Variants in RYR3 observed in about 807,000 individuals in gnomAD.
RYR3 encodes the protein brain ryanodine receptor-calcium release channel.
RYR3 carries 207 observed loss-of-function variants against 584.3 expected under a neutral mutation model. That is an observed-to-expected ratio of 0.35 (90% confidence interval 0.32 to 0.40). RYR3 has a LOEUF of 0.40. Ranked by LOEUF, RYR3 falls within the 10% of genes least tolerant of loss-of-function variation. The probability of loss-of-function intolerance (pLI) is 1.00; values close to 1 mark genes in which losing one functional copy is unlikely to be tolerated. For synonymous variants in RYR3, 2,416 were observed against 2,248.5 expected (o/e 1.07, Z -2.11); for missense variants, 5,616 against 6,089.2 (o/e 0.92, Z 2.59).
chr15:33,569,409 C>T (rs1458231553), intron 12 of RYR3, among the ~76,000 whole-genome samples: 1 of 152,154 alleles, frequency 6.6e-6, no homozygotes, highest in African/African-American at 2.4e-5. Flanking sequence ...TCCCTATTCT[C>T]CTGTCCCTCA....
intron 1 of RYR3, among the ~76,000 whole-genome samples, chr15:33,357,769 A>G (rs938891920): frequency 2.0e-5 from 3 of 152,168 alleles, no homozygotes; most frequent in African/African-American, 7.2e-5. Context: ...ATTGGACATT[A>G]TTGACTATTT....
chr15:33,812,970 A>G lies in RYR3; in HGVS notation c.10365A>G (p.Ser3455=). 2.5e-6 allele frequency: 4 copies of G among 1,614,016 alleles called. No homozygotes were observed. Among genetic ancestry groups the G allele is most frequent in the Non-Finnish European group, 2.5e-6 (3 of 1,179,876 alleles). ...EKTVERVQRI[S]AAVFHLEQVE... is the part of the protein sequence containing the mutation. ...CAGTGGAGCGTGTGCAGAGAATTTC[A>G]GCAGCTGTCTTCCACCTGGAACAGG... Residue 3455 remains serine, a synonymous_variant, in exon 73 of 104, where the codon TCA becomes TCG. Coordinates refer to ENST00000634891, the MANE Select transcript of RYR3 (RefSeq NM_001036.6).
chr15:33,762,242 G>C (rs1040851893), intron 60 of RYR3, among the ~76,000 whole-genome samples: 1 of 152,194 alleles, frequency 6.6e-6, no homozygotes, highest in African/African-American at 2.4e-5. Context: ...CATAGTATTG[G>C]AAGTTCTGGC....
chr15:33,732,158 G>A (rs2069010949), intron 48 of RYR3, among the ~76,000 whole-genome samples: 4 of 151,616 alleles, frequency 2.6e-5, no homozygotes, highest in African/African-American at 4.8e-5. Context: ...GAGGTGGGCA[G>A]ATCACGAGGT....
chr15:33,773,500 G>C, intron 63 of RYR3, 34 bp from the exon 64 acceptor site: 2 of 1,464,370 alleles, frequency 1.4e-6, no homozygotes, highest in Non-Finnish European at 1.9e-6. Flanking sequence ...ATTCAGGATT[G>C]ATGCAAATCA....
chr15:33,800,933 A>T, intron 68 of RYR3, 76 bp downstream of exon 68: 1 of 1,052,990 alleles, frequency 9.5e-7, no homozygotes, highest in Non-Finnish European at 1.5e-6. Flanking sequence ...GATGAAAAAA[A>T]GCCAACAGTA....
intron 43 of RYR3, 58 bp downstream of exon 43, chr15:33,707,112 T>A: frequency 6.3e-7 from 1 of 1,585,904 alleles, no homozygotes; most frequent in Non-Finnish European, 8.6e-7. Context: ...CGTGGATACC[T>A]ACAAGGAAAA....
intron 1 of RYR3, among the ~76,000 whole-genome samples, chr15:33,365,889 TA>T (rs1304149120): frequency 1.3e-5 from 2 of 152,180 alleles, no homozygotes; most frequent in Non-Finnish European, 2.9e-5. Context: ...AAGTGGTTTT[TA>T]AAAAAGTTAT....
intron 82 of RYR3, 29 bp from the exon 83 acceptor site, chr15:33,826,223 C>G (rs1567254928): frequency 6.2e-7 from 1 of 1,611,736 alleles, no homozygotes. Flanking sequence ...TTCTTACTTT[C>G]TATTCTTCTG....
At chr15:33,352,231 A>G (rs578120821) in intron 1 of RYR3, among the ~76,000 whole-genome samples, 23 of 152,160 alleles carry the variant, frequency 1.5e-4, no homozygotes, top group Non-Finnish European at 1.5e-5. Flanking sequence ...GGCCTTAGTT[A>G]CAGTTCCTTT....
chr15:33,527,655 C>A (rs1276885103), intron 3 of RYR3, among the ~76,000 whole-genome samples: 1 of 151,466 alleles, frequency 6.6e-6, no homozygotes, highest in South Asian at 2.1e-4. Context: ...TGCCCTTTTA[C>A]AGAAAAAAAA....
At chr15:33,736,212 A>C in intron 48 of RYR3, 23 bp from the exon 49 acceptor site, 1 of 1,460,182 alleles carries the variant, frequency 6.8e-7, no homozygotes, top group Non-Finnish European at 9.6e-7. Context: ...TTATTTATCT[A>C]CGTTTGTCAT....
chr15:33,692,619 C>CT (rs3085218), intron 38 of RYR3, among the ~76,000 whole-genome samples: 58,714 of 140,290 alleles, frequency 0.42, 14,046 homozygotes, highest in East Asian at 0.62. Context: ...CTGGGGACTA[C>CT]TTTTTTTTTT....
At chr15:33,571,681 T>C (rs1184115548) in intron 12 of RYR3, among the ~76,000 whole-genome samples, 5 of 152,208 alleles carry the variant, frequency 3.3e-5, no homozygotes, top group African/African-American at 1.2e-4. Flanking sequence ...TTTTAACTTA[T>C]TTGTGTCCTT....
chr15:33,563,090 A>G (rs1357689019), intron 11 of RYR3, 80 bp downstream of exon 11: 4 of 1,125,770 alleles, frequency 3.6e-6, no homozygotes, highest in Admixed American at 2.3e-5. Flanking sequence ...TCTGAGAACC[A>G]GGTGGACATG....
chr15:33,668,063 G>GGAAA lies in RYR3; in HGVS notation c.5620-1291_5620-1290insGAAA, dbSNP rs530580495. On this transcript the variant is annotated intron_variant, in intron 36 of 103. Coordinates refer to ENST00000634891, the MANE Select transcript of RYR3 (RefSeq NM_001036.6). ...GGGCAACAAAGCAAGACTCAGTCTT[G>GGAAA]AAAAAAAAAAAAAAATCCCTGAGAC... Among the ~76,000 whole-genome samples, 127 of 97,618 alleles carry GGAAA rather than the reference G, an allele frequency of 1.3e-3. 1 individual carries two copies. Among genetic ancestry groups the GGAAA allele is most frequent in the Admixed American group, 5.2e-3 (38 of 7,276 alleles). 64.0% of individuals were successfully genotyped at this position (97,618 alleles called of 152,430 possible).
intron 1 of RYR3, among the ~76,000 whole-genome samples, chr15:33,344,404 T>G (rs571907580): frequency 2.0e-5 from 3 of 152,232 alleles, no homozygotes; most frequent in Admixed American, 6.5e-5. Flanking sequence ...GACCCTGCCA[T>G]GGGTATATAT....
chr15:33,514,109 G>A (rs1264546319), intron 3 of RYR3, among the ~76,000 whole-genome samples: 3 of 152,164 alleles, frequency 2.0e-5, no homozygotes, highest in African/African-American at 7.2e-5. Context: ...TCCCTTGCTG[G>A]TTGTGGTTAT....
chr15:33,532,942 C>A (rs1486454446), intron 4 of RYR3, among the ~76,000 whole-genome samples: 4 of 152,094 alleles, frequency 2.6e-5, no homozygotes, highest in Admixed American at 6.5e-5. Flanking sequence ...CATAGATAGA[C>A]CACATCTCCA....
Sources: allele counts gnomAD v4.1 joint callset (sites outside exome capture counted in the v4.1 genomes callset), GRCh38; gene constraint gnomAD v4.1.1; transcripts MANE v1.5; gene names NCBI Gene and HGNC (gene_info 2026-07-23, HGNC 2026-07-21).